The following HPSE2 variants were observed in gnomAD, a reference collection of about 807,000 sequenced individuals.
HPSE2 encodes heparanase 2 (inactive).
A neutral mutation model predicts 60.5 loss-of-function variants in HPSE2; 38 were observed. That is an observed-to-expected ratio of 0.63 (90% CI 0.48 to 0.82). The LOEUF (loss-of-function observed/expected upper bound fraction) is 0.82. Ranked by LOEUF, HPSE2 falls within the 40% of genes least tolerant of loss-of-function variation. HPSE2 has a pLI of 0.00. For missense variants in HPSE2, 713 were observed against 740.4 expected (o/e 0.96, Z 0.43); for synonymous variants, 295 against 293.2 (o/e 1.01, Z -0.06).
the HPSE2 span, among the ~76,000 whole-genome samples, chr10:99,289,582 G>A: frequency 3.1e-4 from 47 of 151,962 alleles, no homozygotes; most frequent in Non-Finnish European, 5.3e-4. Context: ...GAATATCAGT[G>A]GAGTAAAAAT....
At chr10:98,547,327 A>G (rs1471815963) in intron 9 of HPSE2, among the ~76,000 whole-genome samples, 1 of 145,580 alleles carries the variant, frequency 6.9e-6, no homozygotes, top group African/African-American at 2.6e-5. Flanking sequence ...AGGACTATAA[A>G]TCATGCTGCT....
At chr10:99,313,339 T>C in the HPSE2 span, among the ~76,000 whole-genome samples, 1 of 152,066 alleles carries the variant, frequency 6.6e-6, no homozygotes, top group Admixed American at 6.5e-5. Context: ...TCACTGCATA[T>C]GTGGTGGGAA....
At chr10:98,887,188 G>T (rs575295719) in intron 3 of HPSE2, among the ~76,000 whole-genome samples, 39 of 152,050 alleles carry the variant, frequency 2.6e-4, no homozygotes, top group African/African-American at 8.9e-4. Flanking sequence ...TCAGGTCAAG[G>T]CTAAGAACCA....
At chr10:99,234,281 G>T (rs547203991) in intron 1 of HPSE2, among the ~76,000 whole-genome samples, 1 of 152,312 alleles carries the variant, frequency 6.6e-6, no homozygotes, top group East Asian at 1.9e-4. Flanking sequence ...AGCGCTCCAC[G>T]TGGCGCCTCC....
At chr10:98,871,231 A>C (rs1335402681) in intron 3 of HPSE2, among the ~76,000 whole-genome samples, 9 of 152,144 alleles carry the variant, frequency 5.9e-5, no homozygotes, top group Non-Finnish European at 1.5e-5. Context: ...TTATATGCCC[A>C]GTTTATATTT....
chr10:98,464,670 G>A (rs150247250), intron 11 of HPSE2, among the ~76,000 whole-genome samples: 43 of 152,330 alleles, frequency 2.8e-4, no homozygotes, highest in African/African-American at 9.4e-4. Context: ...CAGAGTAGGG[G>A]CTAAATATTT....
chr10:98,854,954 T>C (rs1369766970), intron 3 of HPSE2, among the ~76,000 whole-genome samples: 1 of 152,206 alleles, frequency 6.6e-6, no homozygotes, highest in Admixed American at 6.5e-5. Context: ...TTACTTAGGA[T>C]ACGGGAAGCT....
intron 3 of HPSE2, among the ~76,000 whole-genome samples, chr10:98,853,442 G>GAAA (rs985087560): frequency 7.9e-4 from 120 of 152,218 alleles, no homozygotes; most frequent in African/African-American, 2.7e-3. Context: ...TGGACAGCAA[G>GAAA]AAAAAGAGTT....
At chr10:99,022,681 C>A (rs1387866987) in intron 3 of HPSE2, among the ~76,000 whole-genome samples, 1 of 152,126 alleles carries the variant, frequency 6.6e-6, no homozygotes, top group Non-Finnish European at 1.5e-5. Flanking sequence ...AGGCACTGAT[C>A]AGAGTCATGA....
At chr10:98,592,774 C>T (rs752610792) in intron 9 of HPSE2, among the ~76,000 whole-genome samples, 9 of 152,136 alleles carry the variant, frequency 5.9e-5, no homozygotes, top group African/African-American at 2.2e-4. Context: ...TTCCTTCTTG[C>T]GTTTTATTTG....
intron 3 of HPSE2, among the ~76,000 whole-genome samples, chr10:99,041,803 G>A (rs1051373572): frequency 6.6e-6 from 1 of 152,130 alleles, no homozygotes; most frequent in African/African-American, 2.4e-5. Context: ...GGAGCTCACA[G>A]AGATAACCGA....
At chr10:98,466,384 C>T (rs1940530933) in intron 11 of HPSE2, among the ~76,000 whole-genome samples, 1 of 152,024 alleles carries the variant, frequency 6.6e-6, no homozygotes, top group African/African-American at 2.4e-5. Context: ...GAGGCCGAGG[C>T]AGGCGGATCA....
intron 6 of HPSE2, among the ~76,000 whole-genome samples, chr10:98,644,577 C>A (rs1946719244): frequency 6.6e-6 from 1 of 152,212 alleles, no homozygotes; most frequent in South Asian, 2.1e-4. Context: ...TACAATATCC[C>A]TTAGAAGTGA....
chr10:98,773,353 G>C (rs1022851047), intron 3 of HPSE2, among the ~76,000 whole-genome samples: 6 of 152,140 alleles, frequency 3.9e-5, no homozygotes, highest in South Asian at 2.1e-4. Flanking sequence ...AGCCAGTCCA[G>C]AAGGGTGGAT....
chr10:98,467,293 C>T (rs1940577652), intron 11 of HPSE2, among the ~76,000 whole-genome samples: 1 of 152,192 alleles, frequency 6.6e-6, no homozygotes, highest in Admixed American at 6.5e-5. Context: ...TCCGCCCACT[C>T]ACACAGGAGG....
intron 4 of HPSE2, among the ~76,000 whole-genome samples, chr10:98,733,702 C>T (rs1307507772): frequency 1.3e-5 from 2 of 152,066 alleles, no homozygotes. Flanking sequence ...AAACTAAATA[C>T]TATGCAAATA....
intron 9 of HPSE2, among the ~76,000 whole-genome samples, chr10:98,541,587 C>T (rs586866): frequency 0.85 from 129,552 of 152,112 alleles, 56,388 homozygotes; most frequent in East Asian, 1. Flanking sequence ...TGACAGACGG[C>T]ACCTGGAAAA....
intron 9 of HPSE2, among the ~76,000 whole-genome samples, chr10:98,504,321 A>G (rs1325174891): frequency 6.6e-6 from 1 of 152,036 alleles, no homozygotes; most frequent in African/African-American, 2.4e-5. Context: ...TTATAATTTT[A>G]GTTTCCTTGT....
At chr10:98,572,086 G>A (rs376310743) in intron 9 of HPSE2, among the ~76,000 whole-genome samples, 27 of 151,884 alleles carry the variant, frequency 1.8e-4, no homozygotes, top group Non-Finnish European at 2.1e-4. Flanking sequence ...GATTACAGGT[G>A]CCCACCACCA....
Sources: allele counts gnomAD v4.1 joint callset (sites outside exome capture counted in the v4.1 genomes callset), GRCh38; gene constraint gnomAD v4.1.1; transcripts MANE v1.5; gene names NCBI Gene and HGNC (gene_info 2026-07-23, HGNC 2026-07-21).